TSEN15: variants seen among roughly 807,000 people sequenced by gnomAD.
TSEN15 encodes the protein tRNA splicing endonuclease subunit 15.
A neutral mutation model predicts 20.5 loss-of-function variants in TSEN15; 10 were observed. That is an observed-to-expected ratio of 0.49 (90% CI 0.30 to 0.83). TSEN15 has a LOEUF of 0.83. Ranked by LOEUF, TSEN15 falls within the 40% of genes least tolerant of loss-of-function variation. The pLI is 0.06. For synonymous variants in TSEN15, 72 were observed against 80.1 expected, an observed-to-expected ratio of 0.90 and a Z score of 0.54; for missense variants, 180 against 218.6, an observed-to-expected ratio of 0.82 and a Z score of 1.11.
In TSEN15 at chr1:184,072,243, A is replaced by C. The variant is rs1050488037; in HGVS notation, c.440A>C (p.Asp147Ala). The C allele has an allele frequency of 1.2e-6, 2 of 1,613,574 alleles. No individual in the cohort carries two copies. Among genetic ancestry groups the C allele is most frequent in the Non-Finnish European group, 1.7e-6 (2 of 1,179,710 alleles). Residue 147 changes from aspartate (D) to alanine (A), a missense_variant, in exon 4 of 5, where the codon GAT becomes GCT. By Grantham distance (126) the Asp-to-Ala change is moderately radical (BLOSUM62 -2). This residue lies in a region of TSEN15 where 28 missense variants were observed against 28.7 expected (regional missense o/e 0.98). Transcript: ENST00000645668. ...MSFTLAIVES[D>A]STIVYYKLTD... Reference sequence around the variant, plus strand: ...TTTACTTTGGCCATAGTGGAGTCTGATTCTACAATAGTCTATTATAAACTT... The same window carrying C: ...TTTACTTTGGCCATAGTGGAGTCTGCTTCTACAATAGTCTATTATAAACTT...
In TSEN15 at chr1:184,072,945, A is replaced by G. The variant is rs1572716287; in HGVS notation, c.*98A>G. The G allele has an allele frequency of 8.1e-7, 1 of 1,229,412 alleles. No individual in the cohort carries two copies. The highest frequency in any genetic ancestry group is 1.2e-6 in the Non-Finnish European group (1 of 867,840). 76.2% of individuals were successfully genotyped at this position (1,229,412 alleles called of 1,614,324 possible). A position where few individuals can be genotyped will look rare whatever the true frequency, so the allele number is the denominator to read the frequency against. ...TATCTCAGAAATAGGGTTGACGTAC[A>G]TAGTGAGGGTTGACTTCCCCATTCC... is the stretch of plus-strand genomic sequence containing the variant. On this transcript the variant is annotated 3_prime_UTR_variant, in exon 5 of 5. Transcript: ENST00000645668.
exon 4 of TSEN15, chr1:184,097,169 A>C (rs1258754450): frequency 6.6e-6 from 1 of 152,198 alleles, no homozygotes; most frequent in Non-Finnish European, 1.5e-5. Flanking sequence ...AGAGCTCCAA[A>C]TGGTTTATAA....
At chr1:184,052,524 A>G (rs955270246) in intron 1 of TSEN15, among the ~76,000 whole-genome samples, 7 of 152,148 alleles carry the variant, frequency 4.6e-5, no homozygotes, top group Admixed American at 4.6e-4. Context: ...GGTTCCAAGC[A>G]GTGAATAGAC....
At chr1:184,074,276 C>T (rs1166813451), downstream of TSEN15, 1 of 152,114 alleles carries the variant, frequency 6.6e-6, no homozygotes, top group Non-Finnish European at 1.5e-5. Flanking sequence ...AATGTAGCAA[C>T]TTAAAACAGC....
chr1:184,051,960 CTCTT>C (rs1221197392), intron 1 of TSEN15, 70 bp downstream of exon 1: 7 of 1,329,938 alleles, frequency 5.3e-6, no homozygotes, highest in Admixed American at 3.2e-5. Flanking sequence ...CCAGGCAGCT[CTCTT>C]TCTTTCTTCC....
chr1:184,093,130 C>T (rs963179484), intron 3 of TSEN15, among the ~76,000 whole-genome samples: 3 of 152,154 alleles, frequency 2.0e-5, no homozygotes, highest in Non-Finnish European at 4.4e-5. Context: ...CTTGTGAACA[C>T]TAGGTACTGT....
At chr1:184,070,398 T>C (rs1273233275) in intron 3 of TSEN15, among the ~76,000 whole-genome samples, 1 of 152,034 alleles carries the variant, frequency 6.6e-6, no homozygotes, top group Non-Finnish European at 1.5e-5. Context: ...AAATTTATCT[T>C]GTGGCATTGA....
chr1:184,054,471 C>T (rs1248543448), intron 2 of TSEN15, 36 bp downstream of exon 2: 1 of 1,495,670 alleles, frequency 6.7e-7, no homozygotes, highest in Middle Eastern at 1.7e-4. Flanking sequence ...GTTATTGGGA[C>T]TGTGGTAGAG....
chr1:184,074,594 TATA>T (rs1466063373), downstream of TSEN15, among the ~76,000 whole-genome samples: 2 of 152,164 alleles, frequency 1.3e-5, no homozygotes, highest in African/African-American at 4.8e-5. Context: ...TTATAATCCT[TATA>T]TAATGTAATC....
At chr1:184,053,664 AG>A in intron 1 of TSEN15, among the ~76,000 whole-genome samples, 1 of 152,318 alleles carries the variant, frequency 6.6e-6, no homozygotes, top group East Asian at 1.9e-4. Flanking sequence ...CTGCAGGTGT[AG>A]GCCCCTGAAA....
intron 3 of TSEN15, among the ~76,000 whole-genome samples, chr1:184,087,850 C>T (rs866948237): frequency 2.6e-5 from 4 of 152,264 alleles, no homozygotes; most frequent in Middle Eastern, 3.4e-3. Context: ...AAACATGGTT[C>T]ACTTTGCGGG....
At chr1:184,068,723 G>T (rs1650780971) in intron 3 of TSEN15, among the ~76,000 whole-genome samples, 2 of 152,188 alleles carry the variant, frequency 1.3e-5, no homozygotes, top group Non-Finnish European at 2.9e-5. Context: ...GGCTTCTTTG[G>T]TGCCTCTGAC....
intron 3 of TSEN15, among the ~76,000 whole-genome samples, chr1:184,092,070 T>C (rs1651368773): frequency 6.6e-6 from 1 of 152,212 alleles, no homozygotes; most frequent in East Asian, 1.9e-4. Context: ...CTGGTGATTA[T>C]TTAAAAGGCA....
At chr1:184,065,273 A>G (rs1650611336) in intron 3 of TSEN15, among the ~76,000 whole-genome samples, 1 of 152,120 alleles carries the variant, frequency 6.6e-6, no homozygotes, top group Admixed American at 6.6e-5. Flanking sequence ...TTTCCCATCT[A>G]AGTCCCAGTC....
intron 3 of TSEN15, among the ~76,000 whole-genome samples, chr1:184,086,256 T>C (rs1651260697): frequency 1.3e-5 from 2 of 152,158 alleles, no homozygotes; most frequent in African/African-American, 4.8e-5. Context: ...TGGGAATTGG[T>C]TGGGGTTTCT....
chr1:184,067,158 A>G (rs1650696471), intron 3 of TSEN15, among the ~76,000 whole-genome samples: 2 of 151,766 alleles, frequency 1.3e-5, no homozygotes, highest in Admixed American at 6.6e-5. Flanking sequence ...TTATTCTTCC[A>G]TTTTCTCATA....
chr1:184,054,900 G>A, intron 3 of TSEN15, 37 bp downstream of exon 3: 1 of 1,593,442 alleles, frequency 6.3e-7, no homozygotes, highest in Non-Finnish European at 8.6e-7. Flanking sequence ...CCTTTCCCGA[G>A]TAAAGCAGTA....
chr1:184,069,070 C>T (rs920041678), intron 3 of TSEN15, among the ~76,000 whole-genome samples: 1 of 152,178 alleles, frequency 6.6e-6, no homozygotes, highest in Non-Finnish European at 1.5e-5. Context: ...ATTTAAATAG[C>T]TTGGACTAAA....
intron 2 of TSEN15, 104 bp downstream of exon 2, chr1:184,054,539 A>C (rs370589766): frequency 8.5e-7 from 1 of 1,180,872 alleles, no homozygotes. Flanking sequence ...TCTTTTATGC[A>C]TTTGCTGTTA....
Sources: gnomAD v4.1 joint callset for allele counts (sites outside exome capture counted in the v4.1 genomes callset) on GRCh38, gnomAD v4.1.1 for gene constraint, gnomAD v4.1.1 regional missense constraint, MANE v1.5 for transcripts, NCBI Gene and HGNC (gene_info 2026-07-23, HGNC 2026-07-21) for gene names.